Variants in PCDHGA2 observed in about 807,000 individuals in gnomAD.
The protein encoded by PCDHGA2 is protocadherin gamma subfamily A, 2, also known as protocadherin gamma-A2.
In PCDHGA2, 40 loss-of-function variants were observed where a neutral mutation model predicts 59.2. The observed-to-expected ratio is 0.68, with a 90% CI of 0.52 to 0.88. The LOEUF (loss-of-function observed/expected upper bound fraction) is 0.88. PCDHGA2 is among the 40% of genes least tolerant of loss of function. The pLI, the probability that PCDHGA2 is intolerant of heterozygous loss-of-function variation, is 0.00. For missense variants in PCDHGA2, 1,226 were observed against 1,204.0 expected (o/e 1.02, Z -0.27); for synonymous variants, 560 against 526.0 (o/e 1.06, Z -0.89).
chr5:141,346,110 C>G (rs1289960725), intron 1 of PCDHGA2: 6 of 1,613,872 alleles, frequency 3.7e-6, no homozygotes, highest in Non-Finnish European at 5.1e-6. Flanking sequence ...CACTCTGTAC[C>G]TGGTGGTGGC....
intron 1 of PCDHGA2, chr5:141,422,368 G>A: frequency 1.9e-6 from 3 of 1,565,294 alleles, no homozygotes; most frequent in Non-Finnish European, 2.6e-6. Context: ...TGGAGAAAAT[G>A]GTCAAGTCTC....
intron 1 of PCDHGA2, chr5:141,384,872 T>C (rs773444317): frequency 1.9e-6 from 3 of 1,613,766 alleles, no homozygotes; most frequent in Non-Finnish European, 1.7e-6. Flanking sequence ...TCAGCCACCG[T>C]CACACTCACC....
At chr5:141,382,013 G>C (rs1000379234) in intron 1 of PCDHGA2, among the ~76,000 whole-genome samples, 1 of 151,580 alleles carries the variant, frequency 6.6e-6, no homozygotes, top group Admixed American at 6.6e-5. Flanking sequence ...ATTTTTAGTA[G>C]AGACGGGGTT....
At chr5:141,350,152 C>T (rs1758417714) in intron 1 of PCDHGA2, 5 of 974,858 alleles carry the variant, frequency 5.1e-6, no homozygotes, top group Non-Finnish European at 5.7e-6. Flanking sequence ...TGTTCACCCT[C>T]GAGCGCCTAA....
At chr5:141,413,316 T>G (rs769316460) in intron 1 of PCDHGA2, 1 of 1,613,976 alleles carries the variant, frequency 6.2e-7, no homozygotes, top group South Asian at 1.1e-5. Context: ...AGAAAGGCTC[T>G]TTCGTGGGCA....
chr5:141,345,827 G>C (rs779769007), intron 1 of PCDHGA2: 69 of 1,613,472 alleles, frequency 4.3e-5, no homozygotes, highest in Non-Finnish European at 5.5e-5. Context: ...ACAGAGACTC[G>C]GGCCAGAACG....
In PCDHGA2 at chr5:141,489,911, G is replaced by A; in HGVS notation, c.2425-4896G>A. On this transcript the variant is annotated intron_variant, in intron 1 of 3. Transcript: ENST00000394576. The surrounding 1 kb of genome is among the most constrained non-coding windows in gnomAD (Gnocchi z 4.5). ...GATGGGGGGACCCCAGCCCGCTCAG[G>A]GACCACCCTTATCTCTGTCATCGTG... 3.7e-6 allele frequency: 6 copies of A among 1,614,198 alleles called. No individual in the cohort carries two copies. Among genetic ancestry groups the A allele is most frequent in the Non-Finnish European group, 5.1e-6 (6 of 1,180,042 alleles).
chr5:141,431,617 C>A lies in PCDHGA2; in HGVS notation c.2425-63190C>A. ...GGTATTCCTTCCGGTATGTGGACGA[C>A]AAGGCGGCCCAAGTTTTCAAACTAG... On this transcript the variant is annotated intron_variant, in intron 1 of 3. Coordinates refer to ENST00000394576, the MANE Select transcript of PCDHGA2 (RefSeq NM_018915.4). This position sits in a 1 kb window ranked among gnomAD's most constrained non-coding sequence, Gnocchi z 4.8. 6.2e-7 allele frequency: 1 copy of A among 1,614,236 alleles called. No homozygotes were observed. Among genetic ancestry groups the A allele is most frequent in the Non-Finnish European group, 8.5e-7 (1 of 1,180,044 alleles).
At chr5:141,372,748 C>T (rs771861396) in intron 1 of PCDHGA2, 2 of 1,613,132 alleles carry the variant, frequency 1.2e-6, no homozygotes, top group East Asian at 2.2e-5. Context: ...TGTGATGAAG[C>T]CTCTTGGTTT....
intron 1 of PCDHGA2, chr5:141,343,942 C>T: frequency 1.7e-6 from 2 of 1,209,822 alleles, no homozygotes. Context: ...GAATTAGGCC[C>T]GTAAAAGACT....
Position 141,339,943 on chromosome 5 carries a change from T to C in PCDHGA2, c.972T>C (p.Gly324=). ...FHEIDIEAQD[G]PGLLTRAKVI... The stretch of plus-strand genomic sequence containing the variant: ...AAATTGATATTGAAGCTCAGGATGG[T>C]CCGGGCCTTCTAACCAGAGCGAAGG... The change falls in exon 1 of 4, where the codon GGT becomes GGC. Residue 324 remains glycine, a synonymous_variant. Coordinates refer to ENST00000394576, the MANE Select transcript of PCDHGA2 (RefSeq NM_018915.4). 1 of 1,614,194 alleles carries C rather than the reference T, an allele frequency of 6.2e-7. No homozygotes were observed. Among genetic ancestry groups the C allele is most frequent in the Non-Finnish European group, 8.5e-7 (1 of 1,180,018 alleles).
At chr5:141,371,667 A>G in intron 1 of PCDHGA2, 1 of 1,614,022 alleles carries the variant, frequency 6.2e-7, no homozygotes, top group Non-Finnish European at 8.5e-7. Flanking sequence ...GATCACAGCT[A>G]CCGACAAAGG....
chr5:141,362,601 A>T, intron 1 of PCDHGA2: 6 of 1,575,186 alleles, frequency 3.8e-6, no homozygotes, highest in Non-Finnish European at 5.2e-6. Flanking sequence ...TTATTGTTTC[A>T]CCTAATTTGG....
rs540852016 is a variant in PCDHGA2, at chr5:141,351,570, A to G, written c.2424+10175A>G. ...TCCTCCAGGACAAGCATCACCCTGC[A>G]CATCTCCGACATCAACGACAATGCA... is the stretch of plus-strand genomic sequence containing the variant. On this transcript the variant is annotated intron_variant, in intron 1 of 3. Coordinates refer to ENST00000394576, the MANE Select transcript of PCDHGA2 (RefSeq NM_018915.4). 1.6e-5 allele frequency: 26 copies of G among 1,614,046 alleles called. No homozygotes were observed. The East Asian group carries it at 5.3e-4, about 33-fold the overall frequency.
At chr5:141,413,958 G>C in intron 1 of PCDHGA2, 1 of 1,613,392 alleles carries the variant, frequency 6.2e-7, no homozygotes, top group African/African-American at 1.3e-5. Flanking sequence ...ATTTGCCTGT[G>C]GGCACTCAGC....
rs772637812 is a variant in PCDHGA2 at position 141,408,685 on chromosome 5, TATAAAC to T, written c.2424+67297_2424+67302del. On this transcript the variant is annotated intron_variant, in intron 1 of 3. Transcript: ENST00000394576. ...CGCTTGACCCTGCCACGGATCCTGA[TATAAAC>T]ATAAACTCAATTAAAGATTATAAGA... 8 of 1,613,994 alleles carry T rather than the reference TATAAAC, an allele frequency of 5.0e-6. No individual in the cohort carries two copies. The Admixed American group carries it at 1.0e-4, about 20-fold the overall frequency.
chr5:141,374,152 G>T (rs1190094932), intron 1 of PCDHGA2: 1 of 1,612,132 alleles, frequency 6.2e-7, no homozygotes. Context: ...TGGGGACGCT[G>T]TGGGGGGCCG....
chr5:141,398,497 G>A, intron 1 of PCDHGA2: 1 of 1,570,856 alleles, frequency 6.4e-7, no homozygotes, highest in Non-Finnish European at 8.6e-7. Context: ...TGTGGAGATC[G>A]AGGACATTAA....
chr5:141,400,690 A>G (rs928893484), intron 1 of PCDHGA2: 6 of 790,238 alleles, frequency 7.6e-6, no homozygotes, highest in Non-Finnish European at 8.1e-6. Flanking sequence ...GTGAGTTTTT[A>G]TGTCGCATAA....
Sources: allele counts gnomAD v4.1 joint callset (sites outside exome capture counted in the v4.1 genomes callset), GRCh38; gene constraint gnomAD v4.1.1; non-coding constraint Gnocchi (gnomAD v3.1); transcripts MANE v1.5; gene names NCBI Gene and HGNC (gene_info 2026-07-23, HGNC 2026-07-21).